The following TBC1D5 variants were observed in gnomAD, a reference collection of about 807,000 sequenced individuals.
TBC1D5 encodes TBC1 domain family member 5.
In TBC1D5, 75 loss-of-function variants were observed where a neutral mutation model predicts 100.3. The ratio of observed to expected loss-of-function variants is 0.75; its 90% CI spans 0.62 to 0.91. The LOEUF is 0.91. TBC1D5 is among the 40% of genes least tolerant of loss of function. TBC1D5 has a pLI of 0.00. For synonymous variants in TBC1D5, 323 were observed against 325.6 expected (o/e 0.99, Z 0.09); for missense variants, 910 against 942.4 (o/e 0.97, Z 0.45).
intron 16 of TBC1D5, among the ~76,000 whole-genome samples, chr3:17,243,665 T>G (rs1038806627): frequency 6.6e-6 from 1 of 152,096 alleles, no homozygotes; most frequent in Non-Finnish European, 1.5e-5. Context: ...AATTGCACAT[T>G]ACATACAGAA....
intron 2 of TBC1D5, among the ~76,000 whole-genome samples, chr3:17,585,991 T>C (rs1224024437): frequency 6.6e-6 from 1 of 151,722 alleles, no homozygotes; most frequent in Non-Finnish European, 1.5e-5. Flanking sequence ...GAAAAGAAAA[T>C]AAAAGGCCTA....
At chr3:17,533,847 C>T (rs1560104821) in intron 2 of TBC1D5, among the ~76,000 whole-genome samples, 3 of 151,678 alleles carry the variant, frequency 2.0e-5, no homozygotes, top group African/African-American at 7.3e-5. Flanking sequence ...GTTTCTCTTT[C>T]TCCTTCATTC....
intron 1 of TBC1D5, among the ~76,000 whole-genome samples, chr3:17,676,496 A>G (rs1178166536): frequency 6.6e-6 from 1 of 152,158 alleles, no homozygotes; most frequent in Admixed American, 6.5e-5. Flanking sequence ...TCAACGAAAT[A>G]AAAGAGGACA....
intron 15 of TBC1D5, among the ~76,000 whole-genome samples, chr3:17,272,628 T>A (rs2079549008): frequency 6.6e-6 from 1 of 152,226 alleles, no homozygotes. Flanking sequence ...ATTAGTAGTT[T>A]GGCCAAAGTT....
intron 2 of TBC1D5, among the ~76,000 whole-genome samples, chr3:17,565,013 C>CA: frequency 6.6e-6 from 1 of 151,924 alleles, no homozygotes; most frequent in African/African-American, 2.4e-5. Flanking sequence ...AAACAAAAAA[C>CA]AAAAAACCTC....
At position 17,216,739 on chromosome 3, in the gene TBC1D5, A is replaced by G. The variant is rs536823125; in HGVS notation, c.1589-2369T>C. ...ATACTTTTTCACGGTAATAATCTCA[A>G]TAACACGGGGTCCTAGAATATTAGA... On this transcript the variant is annotated intron_variant, in intron 17 of 21. Coordinates refer to ENST00000253692, the Ensembl canonical transcript of TBC1D5. Among the ~76,000 whole-genome samples, 5 of 152,224 alleles carry G rather than the reference A, an allele frequency of 3.3e-5. No homozygotes were observed. In the East Asian group the frequency reaches 7.7e-4, roughly 23 times the overall value.
intron 8 of TBC1D5, among the ~76,000 whole-genome samples, chr3:17,400,815 C>T (rs1487967881): frequency 1.3e-5 from 2 of 152,124 alleles, no homozygotes; most frequent in African/African-American, 4.8e-5. Context: ...TGGATGCTTC[C>T]TGCCCTCGAA....
intron 4 of TBC1D5, among the ~76,000 whole-genome samples, chr3:17,423,463 T>C (rs1005184942): frequency 2.0e-5 from 3 of 152,138 alleles, no homozygotes; most frequent in South Asian, 2.1e-4. Flanking sequence ...GTAACTTTTG[T>C]TTTTTAATTC....
chr3:17,704,978 C>CG (rs1696216196), intron 1 of TBC1D5, among the ~76,000 whole-genome samples: 1 of 120,436 alleles, frequency 8.3e-6, no homozygotes, highest in Admixed American at 7.6e-5. Flanking sequence ...ACCTCCCAGA[C>CG]GGGGCGGCTG....
At chr3:17,704,817 G>T (rs2073797637) in intron 1 of TBC1D5, among the ~76,000 whole-genome samples, 1 of 89,990 alleles carries the variant, frequency 1.1e-5, no homozygotes, top group African/African-American at 4.8e-5. Context: ...CGGCTGGCCG[G>T]GCGGAGGGCT....
rs976793281 is a variant in TBC1D5, at chr3:17,618,849, G to T, written c.-36+5000C>A. The stretch of plus-strand genomic sequence containing the variant: ...AAGAAAGGGAAATCCTCGACCCCTT[G>T]CACTTTCCAGTTGAGGTGATGCCCC... On this transcript the variant is annotated intron_variant, in intron 2 of 21. Transcript: ENST00000253692. 3.3e-5 allele frequency among the ~76,000 whole-genome samples: 5 copies of T among 152,220 alleles called. No individual in the cohort carries two copies. In the East Asian group the frequency reaches 7.7e-4, roughly 23 times the overall value.
chr3:17,657,417 C>T (rs1261328311), intron 1 of TBC1D5, among the ~76,000 whole-genome samples: 1 of 150,508 alleles, frequency 6.6e-6, no homozygotes, highest in Non-Finnish European at 1.5e-5. Flanking sequence ...CTCACTGCAA[C>T]CTCCACCTTC....
chr3:17,393,213 T>C (rs1450751979), intron 8 of TBC1D5, among the ~76,000 whole-genome samples: 1 of 152,156 alleles, frequency 6.6e-6, no homozygotes, highest in East Asian at 1.9e-4. Flanking sequence ...GGTTGTTTTT[T>C]TCTTGTAAAT....
chr3:17,533,310 A>AT (rs147435334), intron 2 of TBC1D5, among the ~76,000 whole-genome samples: 10,481 of 152,230 alleles, frequency 0.069, 705 homozygotes, highest in African/African-American at 0.18. Context: ...TGGTTACTCA[A>AT]CAAAACATAT....
intron 14 of TBC1D5, among the ~76,000 whole-genome samples, chr3:17,303,236 T>C (rs1240039838): frequency 6.6e-6 from 1 of 152,208 alleles, no homozygotes; most frequent in Non-Finnish European, 1.5e-5. Flanking sequence ...ACCTTGCTCT[T>C]TGATTCTTCC....
chr3:17,598,402 A>T (rs2060713286), intron 2 of TBC1D5, among the ~76,000 whole-genome samples: 2 of 152,222 alleles, frequency 1.3e-5, no homozygotes, highest in Non-Finnish European at 2.9e-5. Context: ...AATGGGCTGG[A>T]AACTTTAAGC....
At chr3:17,577,744 G>T (rs551485925) in intron 2 of TBC1D5, among the ~76,000 whole-genome samples, 18 of 151,916 alleles carry the variant, frequency 1.2e-4, no homozygotes, top group African/African-American at 4.3e-4. Flanking sequence ...TATGAAAGAG[G>T]TATAAAACAA....
At chr3:17,232,173 G>C (rs2148904923) in intron 17 of TBC1D5, among the ~76,000 whole-genome samples, 1 of 152,222 alleles carries the variant, frequency 6.6e-6, no homozygotes, top group African/African-American at 2.4e-5. Flanking sequence ...TACTCCTGTG[G>C]CTCTGGTTTG....
intron 2 of TBC1D5, among the ~76,000 whole-genome samples, chr3:17,554,926 T>A (rs898583455): frequency 4.6e-5 from 7 of 151,940 alleles, no homozygotes; most frequent in African/African-American, 1.5e-4. Context: ...CTTGGCTCAC[T>A]GCCACCTCCG....
Sources: gnomAD v4.1 joint callset for allele counts (sites outside exome capture counted in the v4.1 genomes callset) on GRCh38, gnomAD v4.1.1 for gene constraint, MANE v1.5 for transcripts, NCBI Gene and HGNC (gene_info 2026-07-23, HGNC 2026-07-21) for gene names.